Variants in RBFOX1 observed in about 807,000 individuals in gnomAD.
RBFOX1 encodes RNA binding fox-1 homolog 1.
RBFOX1 carries 8 observed loss-of-function variants against 57.7 expected under a neutral mutation model. The observed-to-expected ratio is 0.14, with a 90% CI of 0.08 to 0.25. RBFOX1 has a LOEUF of 0.25. RBFOX1 is among the 10% of genes least tolerant of loss of function. The pLI, the probability that RBFOX1 is intolerant of heterozygous loss-of-function variation, is 1.00. For missense variants in RBFOX1, 611 were observed against 548.5 expected (o/e 1.11, Z -1.14); for synonymous variants, 326 against 222.4 (o/e 1.47, Z -4.15).
chr16:5,426,986 C>G (rs2067580064), intron 1 of RBFOX1, among the ~76,000 whole-genome samples: 1 of 152,202 alleles, frequency 6.6e-6, no homozygotes, highest in South Asian at 2.1e-4. Flanking sequence ...ATATCGGCTT[C>G]CAGCTGAGTG....
At chr16:6,938,659 G>A (rs1411868764) in intron 3 of RBFOX1, among the ~76,000 whole-genome samples, 1 of 152,080 alleles carries the variant, frequency 6.6e-6, no homozygotes. Flanking sequence ...GCAGAAAATT[G>A]TATTTTTGGT....
chr16:6,327,319 A>C (rs901633253), intron 2 of RBFOX1, among the ~76,000 whole-genome samples: 1 of 152,130 alleles, frequency 6.6e-6, no homozygotes, highest in Non-Finnish European at 1.5e-5. Context: ...ATCTTAGAAT[A>C]TCTAGTAGGT....
chr16:6,641,622 C>G (rs1602406000), intron 2 of RBFOX1, among the ~76,000 whole-genome samples: 1 of 151,724 alleles, frequency 6.6e-6, no homozygotes, highest in South Asian at 2.1e-4. Context: ...GTAATCCCAG[C>G]TACTCAAGAG....
chr16:6,655,590 G>A (rs2098644536), intron 3 of RBFOX1, among the ~76,000 whole-genome samples: 1 of 152,028 alleles, frequency 6.6e-6, no homozygotes, highest in South Asian at 2.1e-4. Flanking sequence ...ACAATTGTTT[G>A]TTAATATTTT....
chr16:7,396,418 CAG>C (rs1467323359), intron 4 of RBFOX1, among the ~76,000 whole-genome samples: 1 of 152,158 alleles, frequency 6.6e-6, no homozygotes, highest in Non-Finnish European at 1.5e-5. Context: ...CTGGATGACT[CAG>C]GGCATCTTTT....
intron 5 of RBFOX1, among the ~76,000 whole-genome samples, chr16:7,553,639 A>G (rs549977897): frequency 6.6e-6 from 1 of 152,356 alleles, no homozygotes; most frequent in Admixed American, 6.5e-5. Flanking sequence ...AAAGGTGCAC[A>G]ACTCATTTCA....
intron 3 of RBFOX1, among the ~76,000 whole-genome samples, chr16:6,974,042 C>T (rs902646032): frequency 6.6e-6 from 1 of 152,228 alleles, no homozygotes; most frequent in South Asian, 2.1e-4. Context: ...GTTTTCTGTT[C>T]CTGTGTTAGT....
At chr16:6,039,347 G>GAAAAAAAAAAAA (rs58081772) in intron 1 of RBFOX1, among the ~76,000 whole-genome samples, 1 of 136,304 alleles carries the variant, frequency 7.3e-6, no homozygotes, top group Non-Finnish European at 1.5e-5. Flanking sequence ...CTGCTTTCTG[G>GAAAAAAAAAAAA]AAAAAAAAAA....
chr16:7,567,715 T>TAG (rs2092227832), intron 5 of RBFOX1, among the ~76,000 whole-genome samples: 2 of 71,074 alleles, frequency 2.8e-5, no homozygotes, highest in South Asian at 3.8e-4. Flanking sequence ...AATCCCTATA[T>TAG]ATATATATCC....
At chr16:5,288,500 T>C (rs1444615980) in intron 1 of RBFOX1, among the ~76,000 whole-genome samples, 1 of 152,164 alleles carries the variant, frequency 6.6e-6, no homozygotes, top group Non-Finnish European at 1.5e-5. Context: ...CACAGTCACA[T>C]TAAAAAAACA....
rs781549159 is a variant in RBFOX1 at position 7,499,895 on chromosome 16, G to GA, written c.28-18240dup. Among the ~76,000 whole-genome samples, 1,092 of 139,958 alleles carry GA rather than the reference G, an allele frequency of 7.8e-3. 5 individuals carry two copies. Among genetic ancestry groups the GA allele is most frequent in the Middle Eastern group, 0.023 (6 of 260 alleles). 91.8% of individuals were successfully genotyped at this position (139,958 alleles called of 152,430 possible). A position where few individuals can be genotyped will look rare whatever the true frequency, so the allele number is the denominator to read the frequency against. ...ACACTGTGAGTATCTGCAAAAAAAAGAAAAAAAAAAAACATTGTTCACTGC... is the reference window on the plus strand; with the variant it reads ...ACACTGTGAGTATCTGCAAAAAAAAGAAAAAAAAAAAAACATTGTTCACTGC... On this transcript the variant is annotated intron_variant, in intron 4 of 15. Coordinates refer to ENST00000550418, the MANE Select transcript of RBFOX1 (RefSeq NM_018723.4).
intron 4 of RBFOX1, among the ~76,000 whole-genome samples, chr16:7,274,886 T>C (rs569221156): frequency 6.6e-6 from 1 of 151,982 alleles, no homozygotes; most frequent in Non-Finnish European, 1.5e-5. Context: ...GATTTTGCCA[T>C]GTTAGCCAGG....
Position 7,204,521 on chromosome 16 carries a change from C to T in RBFOX1, c.27+152423C>T, listed in dbSNP as rs116134502. ...ATTAGCCAGGCATGGTGATATGCAC[C>T]TGTAGTCCCAGTTACGCAGGAAGCT... On this transcript the variant is annotated intron_variant, in intron 4 of 15. Coordinates refer to ENST00000550418, the MANE Select transcript of RBFOX1 (RefSeq NM_018723.4). 1.3e-3 allele frequency among the ~76,000 whole-genome samples: 201 copies of T among 152,218 alleles called. 1 individual carries two copies. Among genetic ancestry groups the T allele is most frequent in the African/African-American group, 4.6e-3 (193 of 41,536 alleles).
chr16:7,685,693 A>G (rs2075920749), intron 14 of RBFOX1, among the ~76,000 whole-genome samples: 2 of 152,160 alleles, frequency 1.3e-5, no homozygotes, highest in Admixed American at 6.6e-5. Flanking sequence ...TAGCAAGTAC[A>G]TTAAATTAAA....
intron 3 of RBFOX1, among the ~76,000 whole-genome samples, chr16:6,851,397 T>C (rs4129042): frequency 2.0e-5 from 3 of 151,996 alleles, no homozygotes. Context: ...GCAATAAGAG[T>C]AGAGGTCATG....
At chr16:7,475,223 G>GGGA (rs1344472152) in intron 4 of RBFOX1, among the ~76,000 whole-genome samples, 2 of 152,090 alleles carry the variant, frequency 1.3e-5, no homozygotes, top group African/African-American at 4.8e-5. Context: ...AAGAACAAAA[G>GGGA]GGAGGAGTGT....
At chr16:5,959,343 C>G (rs1312181915) in intron 4 of RBFOX1, among the ~76,000 whole-genome samples, 2 of 152,180 alleles carry the variant, frequency 1.3e-5, no homozygotes, top group African/African-American at 4.8e-5. Flanking sequence ...TCTCAGTTGT[C>G]TGTCTGGAGA....
chr16:5,838,295 C>T, intron 3 of RBFOX1: 1 of 222,420 alleles, frequency 4.5e-6, no homozygotes, highest in Non-Finnish European at 9.6e-6. Context: ...TGGCGGCCTG[C>T]CTCTTTCCAC....
chr16:7,348,645 C>T (rs2097065667), intron 4 of RBFOX1, among the ~76,000 whole-genome samples: 1 of 152,168 alleles, frequency 6.6e-6, no homozygotes, highest in Non-Finnish European at 1.5e-5. Context: ...CTATAGATTA[C>T]AGAATTACAC....
Sources: gnomAD v4.1 joint callset for allele counts (sites outside exome capture counted in the v4.1 genomes callset) on GRCh38, gnomAD v4.1.1 for gene constraint, MANE v1.5 for transcripts, NCBI Gene and HGNC (gene_info 2026-07-23, HGNC 2026-07-21) for gene names.